Variants in LUZP2 observed in about 807,000 individuals in gnomAD.
LUZP2 encodes leucine zipper protein 2.
A neutral mutation model predicts 51.6 loss-of-function variants in LUZP2; 52 were observed. The observed-to-expected ratio is 1.01, with a 90% confidence interval of 0.81 to 1.27. The LOEUF (loss-of-function observed/expected upper bound fraction) is 1.27, where lower values mean the gene tolerates loss of function less well. Ranked by LOEUF, LUZP2 falls within the 50% of genes most tolerant of loss-of-function variation. The pLI is 0.00. For missense variants in LUZP2, 436 were observed against 395.4 expected (o/e 1.10, Z -0.87); for synonymous variants, 154 against 137.3 (o/e 1.12, Z -0.85).
rs1852804796 is a variant in LUZP2 at position 24,890,292 on chromosome 11, T to C, written c.397-15699T>C. Among the ~76,000 whole-genome samples, 3 of 152,286 alleles carry C rather than the reference T, an allele frequency of 2.0e-5. No individual in the cohort carries two copies. The South Asian group carries it at 6.2e-4, about 32-fold the overall frequency. Reference sequence around the variant, plus strand: ...TATGTAGTTATCAAAATAATTATTCTACTGTTTATCAAACTTAATTACATG... The same window carrying C: ...TATGTAGTTATCAAAATAATTATTCCACTGTTTATCAAACTTAATTACATG... On this transcript the variant is annotated intron_variant, in intron 5 of 11. Coordinates refer to ENST00000336930, the MANE Select transcript of LUZP2 (RefSeq NM_001009909.4).
chr11:24,899,404 G>C (rs954029980), intron 5 of LUZP2, among the ~76,000 whole-genome samples: 5 of 150,306 alleles, frequency 3.3e-5, no homozygotes, highest in African/African-American at 1.2e-4. Context: ...CTAGACTCTA[G>C]AAAAACAAGA....
chr11:25,037,998 G>A (rs1429544818), intron 9 of LUZP2, among the ~76,000 whole-genome samples: 1 of 152,004 alleles, frequency 6.6e-6, no homozygotes, highest in Non-Finnish European at 1.5e-5. Context: ...GGATATGTAT[G>A]TCAACCTCCC....
intron 5 of LUZP2, among the ~76,000 whole-genome samples, chr11:24,875,726 A>T (rs936026294): frequency 1.3e-5 from 2 of 151,956 alleles, no homozygotes; most frequent in African/African-American, 4.8e-5. Flanking sequence ...CCAACAGTGT[A>T]AAAGTGTTCC....
chr11:25,049,253 A>G (rs1168805068), intron 9 of LUZP2, among the ~76,000 whole-genome samples: 1 of 152,156 alleles, frequency 6.6e-6, no homozygotes, highest in African/African-American at 2.4e-5. Context: ...ATTAGCATTT[A>G]CTAGTTTATT....
intron 5 of LUZP2, among the ~76,000 whole-genome samples, chr11:24,820,765 C>A (rs1394044821): frequency 6.6e-6 from 1 of 151,990 alleles, no homozygotes; most frequent in African/African-American, 2.4e-5. Context: ...AATCCAAGAC[C>A]ATAGGATGTG....
chr11:24,658,571 A>C (rs2133977262), intron 1 of LUZP2, among the ~76,000 whole-genome samples: 1 of 152,338 alleles, frequency 6.6e-6, no homozygotes, highest in South Asian at 2.1e-4. Context: ...CAAAATTGAC[A>C]AATGGGATCT....
intron 1 of LUZP2, among the ~76,000 whole-genome samples, chr11:24,691,676 G>A (rs1486946906): frequency 1.3e-5 from 2 of 151,978 alleles, no homozygotes; most frequent in African/African-American, 4.8e-5. Flanking sequence ...AGAGCAAAGA[G>A]TACCATTGTA....
chr11:24,980,033 C>G (rs1322303217), intron 8 of LUZP2, among the ~76,000 whole-genome samples: 1 of 151,780 alleles, frequency 6.6e-6, no homozygotes, highest in Non-Finnish European at 1.5e-5. Context: ...GAGCAGAGGT[C>G]TCAAAATATT....
At chr11:24,823,215 C>T (rs541125876) in intron 5 of LUZP2, among the ~76,000 whole-genome samples, 14 of 152,192 alleles carry the variant, frequency 9.2e-5, no homozygotes, top group African/African-American at 3.4e-4. Flanking sequence ...AACATTTTAG[C>T]TGAATCCCAA....
At chr11:24,741,941 A>ATACATTTATATATTATATATAAATG (rs1565110977) in intron 4 of LUZP2, among the ~76,000 whole-genome samples, 16 of 121,694 alleles carry the variant, frequency 1.3e-4, no homozygotes, top group African/African-American at 5.3e-4. Flanking sequence ...ATATATAAAT[A>ATACATTTATATATTATATATAAATG]TATACATTTA....
chr11:24,935,452 T>C (rs1229802750), intron 7 of LUZP2, among the ~76,000 whole-genome samples: 1 of 152,204 alleles, frequency 6.6e-6, no homozygotes, highest in African/African-American at 2.4e-5. Flanking sequence ...TTGTTTCTTC[T>C]GAGCACAAAG....
At chr11:24,552,788 G>C (rs903529141) in intron 1 of LUZP2, among the ~76,000 whole-genome samples, 2 of 151,504 alleles carry the variant, frequency 1.3e-5, no homozygotes, top group Non-Finnish European at 2.9e-5. Context: ...TCCTGACAAG[G>C]ACTATAAATG....
chr11:24,737,515 G>A (rs1294840819), intron 3 of LUZP2, among the ~76,000 whole-genome samples: 1 of 131,368 alleles, frequency 7.6e-6, no homozygotes, highest in Non-Finnish European at 1.7e-5. Context: ...AAAAAATCAA[G>A]GCACAGAAAG....
chr11:24,916,975 C>A lies in LUZP2; in HGVS notation c.522+2437C>A, dbSNP rs145784470. On this transcript the variant is annotated intron_variant, in intron 7 of 11. Transcript: ENST00000336930. ...ACAGTGTTAAAGTGTTCCTATTTCT[C>A]CACATCCTCTCCAGCACCTGTTGTT... Among the ~76,000 whole-genome samples, 961 of 152,258 alleles carry A rather than the reference C, an allele frequency of 6.3e-3. 18 individuals carry two copies. The highest frequency in any genetic ancestry group is 0.061 in the East Asian group (313 of 5,164).
At chr11:24,769,597 T>G (rs928288772) in intron 5 of LUZP2, among the ~76,000 whole-genome samples, 4 of 152,092 alleles carry the variant, frequency 2.6e-5, no homozygotes, top group Non-Finnish European at 4.4e-5. Flanking sequence ...AAACACATTC[T>G]GTCTTGAATT....
At chr11:25,058,554 T>C (rs1858749579) in intron 10 of LUZP2, among the ~76,000 whole-genome samples, 1 of 152,210 alleles carries the variant, frequency 6.6e-6, no homozygotes, top group African/African-American at 2.4e-5. Context: ...TGAATGTATT[T>C]TGTCTTTCAT....
intron 7 of LUZP2, among the ~76,000 whole-genome samples, chr11:24,918,914 T>C (rs1853905698): frequency 7.1e-6 from 1 of 140,582 alleles, no homozygotes; most frequent in Admixed American, 7.5e-5. Context: ...TATATATCCA[T>C]AATATGTATT....
chr11:24,847,323 G>C (rs558236542), intron 5 of LUZP2, among the ~76,000 whole-genome samples: 72 of 151,986 alleles, frequency 4.7e-4, no homozygotes, highest in Non-Finnish European at 9.6e-4. Flanking sequence ...TAGTTGGCAT[G>C]TCTCTTTAGT....
chr11:24,744,945 C>T (rs1906098), intron 4 of LUZP2, among the ~76,000 whole-genome samples: 89,244 of 151,940 alleles, frequency 0.59, 26,639 homozygotes, highest in African/African-American at 0.68. Context: ...TTAAAATTTC[C>T]ATCTTGATTT....
Sources: gnomAD v4.1 joint callset for allele counts (sites outside exome capture counted in the v4.1 genomes callset) on GRCh38, gnomAD v4.1.1 for gene constraint, MANE v1.5 for transcripts, NCBI Gene and HGNC (gene_info 2026-07-23, HGNC 2026-07-21) for gene names.